CDH18: variants seen among roughly 807,000 people sequenced by gnomAD.
The protein encoded by CDH18 is cadherin-18.
A neutral mutation model predicts 67.9 loss-of-function variants in CDH18; 31 were observed. That is an observed-to-expected ratio of 0.46 (90% CI 0.34 to 0.62). The LOEUF is 0.62. Ranked by LOEUF, CDH18 falls within the 20% of genes least tolerant of loss-of-function variation. The probability of loss-of-function intolerance (pLI) is 0.01; values close to 1 mark genes in which losing one functional copy is unlikely to be tolerated. For missense variants in CDH18, 890 were observed against 975.5 expected, an observed-to-expected ratio of 0.91 and a Z score of 1.17; for synonymous variants, 362 against 347.2, an observed-to-expected ratio of 1.04 and a Z score of -0.48.
intron 2 of CDH18, among the ~76,000 whole-genome samples, chr5:19,980,097 A>C (rs1798885900): frequency 6.6e-6 from 1 of 152,170 alleles, no homozygotes; most frequent in Admixed American, 6.5e-5. Context: ...CTGATAATAT[A>C]ATTCAGAAAA....
At chr5:20,073,965 T>C (rs1743705349) in intron 2 of CDH18, among the ~76,000 whole-genome samples, 1 of 152,106 alleles carries the variant, frequency 6.6e-6, no homozygotes, top group African/African-American at 2.4e-5. Flanking sequence ...AAAATCCTTT[T>C]GAAGGTCCTA....
chr5:20,516,821 G>A (rs1755406795), intron 1 of CDH18, among the ~76,000 whole-genome samples: 1 of 151,798 alleles, frequency 6.6e-6, no homozygotes, highest in Admixed American at 6.6e-5. Context: ...CTTAACTTTG[G>A]AGAGGCTGGA....
intron 8 of CDH18, among the ~76,000 whole-genome samples, chr5:19,548,371 T>C (rs1175702337): frequency 2.0e-5 from 3 of 152,092 alleles, no homozygotes; most frequent in African/African-American, 7.2e-5. Flanking sequence ...CTAGAAGATT[T>C]ATAGCCAGAT....
At chr5:20,474,579 A>C (rs948396920) in intron 1 of CDH18, among the ~76,000 whole-genome samples, 1 of 99,038 alleles carries the variant, frequency 1.0e-5, no homozygotes, top group Non-Finnish European at 2.4e-5. Flanking sequence ...GGTTGGAAAT[A>C]CCATTCTACA....
intron 3 of CDH18, among the ~76,000 whole-genome samples, chr5:19,776,027 G>C (rs1019912696): frequency 6.6e-6 from 1 of 151,824 alleles, no homozygotes; most frequent in Non-Finnish European, 1.5e-5. Flanking sequence ...AAATTATACT[G>C]TACACAAAAT....
At chr5:20,154,297 G>A (rs1057265199) in intron 2 of CDH18, among the ~76,000 whole-genome samples, 2 of 152,094 alleles carry the variant, frequency 1.3e-5, no homozygotes, top group African/African-American at 4.8e-5. Flanking sequence ...CATGATTTGA[G>A]AATGTTCCTG....
intron 1 of CDH18, among the ~76,000 whole-genome samples, chr5:20,418,753 T>C (rs1180745003): frequency 6.6e-6 from 1 of 152,096 alleles, no homozygotes; most frequent in Non-Finnish European, 1.5e-5. Flanking sequence ...CATATGAATA[T>C]AGATGTGTGT....
chr5:20,531,933 T>G (rs904207289), intron 1 of CDH18, among the ~76,000 whole-genome samples: 3 of 152,056 alleles, frequency 2.0e-5, no homozygotes, highest in Non-Finnish European at 4.4e-5. Flanking sequence ...GAAAAAAATA[T>G]AGTAAGTTCA....
intron 2 of CDH18, among the ~76,000 whole-genome samples, chr5:20,241,533 T>G (rs560936187): frequency 6.6e-6 from 1 of 152,028 alleles, no homozygotes; most frequent in African/African-American, 2.4e-5. Context: ...TTGTAACTCT[T>G]CAGAGATGAA....
At chr5:20,197,731 T>C (rs1911825) in intron 2 of CDH18, among the ~76,000 whole-genome samples, 1 of 152,142 alleles carries the variant, frequency 6.6e-6, no homozygotes, top group Non-Finnish European at 1.5e-5. Flanking sequence ...ATGTGTTACA[T>C]TGTAAGGTAA....
chr5:20,236,871 A>G lies in CDH18; in HGVS notation c.-518+18573T>C, dbSNP rs116303562. Among the ~76,000 whole-genome samples the G allele has an allele frequency of 1.0e-3, 154 of 152,132 alleles. 1 individual carries two copies. Among genetic ancestry groups the G allele is most frequent in the African/African-American group, 3.6e-3 (148 of 41,564 alleles). On this transcript the variant is annotated intron_variant, in intron 2 of 14. Transcript: ENST00000507958. ...TTGACAAATATATCACCAGACACAT[A>G]TATTACCAGACACTGATATTACAAA...
rs532591974 is a variant in CDH18 at position 20,292,717 on chromosome 5, A to G, written c.-579-37212T>C. On this transcript the variant is annotated intron_variant, in intron 1 of 14. Transcript: ENST00000507958. ...CCTGGTTTTGCTATCAATTCTTGAG[A>G]TTACTTGTCTTATAGAAGCGTCACT... 6.6e-5 allele frequency among the ~76,000 whole-genome samples: 10 copies of G among 151,898 alleles called. No individual in the cohort carries two copies. In the South Asian group the frequency reaches 1.9e-3, roughly 28 times the overall value.
chr5:19,935,944 C>T (rs1392224100), intron 2 of CDH18, among the ~76,000 whole-genome samples: 1 of 150,654 alleles, frequency 6.6e-6, no homozygotes, highest in Non-Finnish European at 1.5e-5. Flanking sequence ...ACTGTTGTTC[C>T]AGACTGTATG....
At chr5:20,056,464 A>ATTTT (rs1561753965) in intron 2 of CDH18, among the ~76,000 whole-genome samples, 1 of 22,068 alleles carries the variant, frequency 4.5e-5, no homozygotes, top group Non-Finnish European at 9.6e-5. Flanking sequence ...ATTTTTCTTT[A>ATTTT]TTTTCTTTCT....
intron 9 of CDH18, among the ~76,000 whole-genome samples, chr5:19,541,987 A>G (rs1024863569): frequency 1.3e-5 from 2 of 152,190 alleles, no homozygotes; most frequent in Non-Finnish European, 2.9e-5. Context: ...TATTTTGAAG[A>G]TGAAAATAAC....
At chr5:19,945,769 T>G (rs1400128924) in intron 2 of CDH18, among the ~76,000 whole-genome samples, 1 of 152,012 alleles carries the variant, frequency 6.6e-6, no homozygotes, top group Non-Finnish European at 1.5e-5. Context: ...GAAATGATAG[T>G]GCATAGAATC....
chr5:20,193,003 G>A (rs925293044), intron 2 of CDH18, among the ~76,000 whole-genome samples: 2 of 151,954 alleles, frequency 1.3e-5, no homozygotes, highest in Non-Finnish European at 2.9e-5. Context: ...TTTTCTATTT[G>A]TTTGTGTCCT....
chr5:19,994,593 C>T (rs1004258934), intron 2 of CDH18, among the ~76,000 whole-genome samples: 5 of 147,828 alleles, frequency 3.4e-5, no homozygotes, highest in African/African-American at 1.2e-4. Context: ...TTTATTGCTT[C>T]CCAACACCAC....
intron 2 of CDH18, among the ~76,000 whole-genome samples, chr5:20,202,607 G>T (rs1739539636): frequency 6.6e-5 from 10 of 151,900 alleles, no homozygotes. Context: ...CCAAATGAAA[G>T]AGTATTTTGT....
Sources: allele counts gnomAD v4.1 joint callset (sites outside exome capture counted in the v4.1 genomes callset), GRCh38; gene constraint gnomAD v4.1.1; transcripts MANE v1.5; gene names NCBI Gene and HGNC (gene_info 2026-07-23, HGNC 2026-07-21).